The following RDH12 variants were observed in gnomAD, a reference collection of about 807,000 sequenced individuals.
RDH12 encodes the protein all-trans and 9-cis retinol dehydrogenase.
In RDH12, 21 loss-of-function variants were observed where a neutral mutation model predicts 34.0. That is an observed-to-expected ratio of 0.62 (90% CI 0.44 to 0.89). The LOEUF (loss-of-function observed/expected upper bound fraction) is 0.89. Ranked by LOEUF, RDH12 falls within the 40% of genes least tolerant of loss-of-function variation. The pLI, the probability that RDH12 is intolerant of heterozygous loss-of-function variation, is 0.00. For missense variants in RDH12, 394 were observed against 398.6 expected (o/e 0.99, Z 0.10); for synonymous variants, 198 against 169.9 (o/e 1.17, Z -1.29).
chr14:67,708,596 T>A (rs2037975874), intron 1 of RDH12, among the ~76,000 whole-genome samples: 1 of 152,190 alleles, frequency 6.6e-6, no homozygotes, highest in Non-Finnish European at 1.5e-5. Context: ...TAATTATTAC[T>A]GATAATGTAC....
At chr14:67,713,559 C>G (rs2038034315) in intron 1 of RDH12, among the ~76,000 whole-genome samples, 1 of 152,144 alleles carries the variant, frequency 6.6e-6, no homozygotes, top group African/African-American at 2.4e-5. Context: ...CATGCTGGTA[C>G]CAGGCACTGA....
At position 67,705,604 on chromosome 14, in the gene RDH12, G is replaced by A. The variant is rs2140105379; in HGVS notation, c.-275+3669G>A. Reference sequence around the variant, plus strand: ...ATTAGTGAGAAAACTGGTGAAATTAGAATAAAGCCATTAGTTTAGTTAGTG... The same window carrying A: ...ATTAGTGAGAAAACTGGTGAAATTAAAATAAAGCCATTAGTTTAGTTAGTG... On this transcript the variant is annotated intron_variant, in intron 1 of 8. Coordinates refer to ENST00000551171, the MANE Select transcript of RDH12 (RefSeq NM_152443.3). 2.0e-5 allele frequency among the ~76,000 whole-genome samples: 3 copies of A among 152,298 alleles called. No individual in the cohort carries two copies. In the South Asian group the frequency reaches 6.2e-4, roughly 32 times the overall value.
At chr14:67,719,210 G>A (rs1594862900) in intron 1 of RDH12, among the ~76,000 whole-genome samples, 1 of 152,196 alleles carries the variant, frequency 6.6e-6, no homozygotes, top group East Asian at 1.9e-4. Flanking sequence ...AAGACAATCA[G>A]TAAAAACAAA....
intron 7 of RDH12, among the ~76,000 whole-genome samples, chr14:67,728,843 T>G (rs1263744127): frequency 6.6e-6 from 1 of 152,026 alleles, no homozygotes; most frequent in Non-Finnish European, 1.5e-5. Flanking sequence ...CCTAAACTCC[T>G]CCTTTAGAAA....
At chr14:67,732,856 C>T (rs1196079917) in intron 8 of RDH12, among the ~76,000 whole-genome samples, 1 of 152,192 alleles carries the variant, frequency 6.6e-6, no homozygotes, top group African/African-American at 2.4e-5. Flanking sequence ...CCTGGGATTA[C>T]AGGTGTGAGC....
chr14:67,727,102 C>T lies in RDH12; in HGVS notation c.570C>T (p.Ser190=), dbSNP rs79869437. 7.7e-4 allele frequency: 1,247 copies of T among 1,614,184 alleles called. 14 individuals carry two copies. In the East Asian group the frequency reaches 0.025, roughly 32 times the overall value. Residue 190 remains serine, a synonymous_variant, in exon 7 of 9, where the codon AGC becomes AGT. Coordinates refer to ENST00000551171, the MANE Select transcript of RDH12 (RefSeq NM_152443.3). ...IGKIPFHDLQ[S]EKRYSRGFAY... Reference sequence around the variant, plus strand: ...AGATTCCCTTCCACGACCTCCAGAGCGAGAAGCGCTACAGCAGGGGTTTTG... The same window carrying T: ...AGATTCCCTTCCACGACCTCCAGAGTGAGAAGCGCTACAGCAGGGGTTTTG...
At chr14:67,717,965 AT>A (rs1362420914) in intron 1 of RDH12, 1 of 152,196 alleles carries the variant, frequency 6.6e-6, no homozygotes, top group Admixed American at 6.5e-5. Flanking sequence ...CCCTTGAAAA[AT>A]CAACGGAAGT....
At chr14:67,728,703 T>TG (rs142252701) in intron 7 of RDH12, among the ~76,000 whole-genome samples, 26,722 of 141,976 alleles carry the variant, frequency 0.19, 2,611 homozygotes, top group East Asian at 0.26. Context: ...GGATATCTTG[T>TG]GGGGGGGGGG....
intron 8 of RDH12, among the ~76,000 whole-genome samples, chr14:67,732,429 CA>C (rs11310522): frequency 0.85 from 107,786 of 126,518 alleles, 45,317 homozygotes; most frequent in East Asian, 0.99. Context: ...GACCCTATCT[CA>C]AAAAAAAAAA....
At chr14:67,718,137 G>A (rs965514904) in intron 1 of RDH12, among the ~76,000 whole-genome samples, 5 of 152,182 alleles carry the variant, frequency 3.3e-5, no homozygotes, top group African/African-American at 1.2e-4. Context: ...CAGGGCATGG[G>A]AAGAGGCAGC....
chr14:67,726,076 C>A lies in RDH12; in HGVS notation c.369C>A (p.Ile123=). ...AGGAAAAGCAGCTCCATATTCTGAT[C>A]AACAATGCGGGAGTAATGATGTGTC... ...LAEEKQLHIL[I]NNAGVMMCPY... Residue 123 remains isoleucine (I), a synonymous_variant, in exon 6 of 9, where the codon ATC becomes ATA. Coordinates refer to ENST00000551171, the MANE Select transcript of RDH12 (RefSeq NM_152443.3). 6.2e-7 allele frequency: 1 copy of A among 1,613,928 alleles called. No individual in the cohort carries two copies. The highest frequency in any genetic ancestry group is 8.5e-7 in the Non-Finnish European group (1 of 1,179,836).
At chr14:67,713,258 AAACAAAC>A (rs2038029567) in intron 1 of RDH12, among the ~76,000 whole-genome samples, 1 of 147,700 alleles carries the variant, frequency 6.8e-6, no homozygotes, top group East Asian at 2.0e-4. Flanking sequence ...ACAAACAAAC[AAACAAAC>A]AAAAAACAAA....
chr14:67,707,610 G>C (rs188279107), intron 1 of RDH12, among the ~76,000 whole-genome samples: 155 of 152,268 alleles, frequency 1.0e-3, no homozygotes, highest in African/African-American at 3.5e-3. Flanking sequence ...TATATTTTTA[G>C]TAGAGATGGG....
intron 3 of RDH12, 96 bp from the exon 4 acceptor site, chr14:67,724,377 T>A: frequency 1.1e-6 from 1 of 930,730 alleles, no homozygotes; most frequent in Non-Finnish European, 1.7e-6. Flanking sequence ...ATACCCTTCT[T>A]TGAGGCTGGA....
chr14:67,705,280 C>A (rs1001271659), intron 1 of RDH12, among the ~76,000 whole-genome samples: 4 of 152,272 alleles, frequency 2.6e-5, no homozygotes, highest in South Asian at 2.1e-4. Flanking sequence ...TGACAACATA[C>A]AAGTTAAAAT....
chr14:67,712,865 C>T (rs2038024977), intron 1 of RDH12, among the ~76,000 whole-genome samples: 2 of 152,038 alleles, frequency 1.3e-5, no homozygotes, highest in Middle Eastern at 3.4e-3. Context: ...AATAAAGCCC[C>T]TTTAGTAATC....
At chr14:67,723,884 T>C (rs1430011567) in intron 3 of RDH12, among the ~76,000 whole-genome samples, 7 of 152,224 alleles carry the variant, frequency 4.6e-5, no homozygotes, top group Non-Finnish European at 1.0e-4. Context: ...TTTCTCTCTG[T>C]TTGCCATCGG....
At chr14:67,724,096 T>A (rs1265473714) in intron 3 of RDH12, among the ~76,000 whole-genome samples, 1 of 150,506 alleles carries the variant, frequency 6.6e-6, no homozygotes, top group Non-Finnish European at 1.5e-5. Context: ...CCGCTAATGT[T>A]TATCATGCAT....
chr14:67,731,658 A>C (rs569169374), intron 8 of RDH12, among the ~76,000 whole-genome samples: 4 of 152,214 alleles, frequency 2.6e-5, no homozygotes, highest in African/African-American at 9.6e-5. Flanking sequence ...TTAGTGATAT[A>C]ATGTTGTAAG....
Sources: allele counts gnomAD v4.1 joint callset (sites outside exome capture counted in the v4.1 genomes callset), GRCh38; gene constraint gnomAD v4.1.1; transcripts MANE v1.5; gene names NCBI Gene and HGNC (gene_info 2026-07-23, HGNC 2026-07-21).